BTC: variants seen among roughly 807,000 people sequenced by gnomAD.
BTC encodes betacellulin.
A neutral mutation model predicts 18.1 loss-of-function variants in BTC; 13 were observed. The ratio of observed to expected loss-of-function variants is 0.72; its 90% CI spans 0.47 to 1.14. The LOEUF (loss-of-function observed/expected upper bound fraction) is 1.14. BTC is among the 50% of genes most tolerant of loss of function. The pLI is 0.00. For synonymous variants in BTC, 83 were observed against 79.4 expected, an observed-to-expected ratio of 1.05 and a Z score of -0.24; for missense variants, 247 against 224.2, an observed-to-expected ratio of 1.10 and a Z score of -0.65.
intron 2 of BTC, among the ~76,000 whole-genome samples, chr4:74,765,755 C>T (rs182146800): frequency 2.6e-4 from 40 of 152,226 alleles, no homozygotes; most frequent in African/African-American, 9.1e-4. Flanking sequence ...TTACTTTTCA[C>T]GCACAAAGAA....
At chr4:74,788,195 TCATGTTCTTATC>T (rs1725532068) in intron 1 of BTC, among the ~76,000 whole-genome samples, 1 of 152,214 alleles carries the variant, frequency 6.6e-6, no homozygotes. Flanking sequence ...ATTTTGGAAA[TCATGTTCTTATC>T]CAGACAATAT....
intron 5 of BTC, among the ~76,000 whole-genome samples, chr4:74,747,186 C>G (rs1724314696): frequency 6.6e-6 from 1 of 152,170 alleles, no homozygotes; most frequent in African/African-American, 2.4e-5. Context: ...CTTTGTTGTG[C>G]TAGTTACGCG....
At chr4:74,760,536 C>T (rs1490600722) in intron 2 of BTC, among the ~76,000 whole-genome samples, 1 of 152,192 alleles carries the variant, frequency 6.6e-6, no homozygotes, top group African/African-American at 2.4e-5. Flanking sequence ...TGTAAATTCA[C>T]AGTGTCCTTG....
chr4:74,764,765 G>C (rs1724852541), intron 2 of BTC, among the ~76,000 whole-genome samples: 1 of 152,124 alleles, frequency 6.6e-6, no homozygotes, highest in Admixed American at 6.6e-5. Context: ...CTTATAAGTG[G>C]GAGATAAGCT....
chr4:74,759,458 G>T (rs112633414), intron 2 of BTC, among the ~76,000 whole-genome samples: 5 of 152,046 alleles, frequency 3.3e-5, no homozygotes, highest in Admixed American at 1.3e-4. Context: ...ACATCCACTA[G>T]TGGACCAGGC....
At chr4:74,764,119 G>C (rs1724836152) in intron 2 of BTC, among the ~76,000 whole-genome samples, 1 of 152,138 alleles carries the variant, frequency 6.6e-6, no homozygotes, top group Non-Finnish European at 1.5e-5. Flanking sequence ...TTATGGATTT[G>C]AGTGGGTGAA....
At chr4:74,792,646 C>T (rs974794203) in intron 1 of BTC, among the ~76,000 whole-genome samples, 2 of 152,192 alleles carry the variant, frequency 1.3e-5, no homozygotes, top group Non-Finnish European at 2.9e-5. Context: ...AATCTGTCTG[C>T]CTCTCAGAAA....
At chr4:74,747,959 T>C (rs765461344) in intron 5 of BTC, 81 bp downstream of exon 5, 93 of 628,082 alleles carry the variant, frequency 1.5e-4, no homozygotes, top group Non-Finnish European at 2.2e-4. Flanking sequence ...TAATGAATGA[T>C]TTAGTAGATG....
intron 2 of BTC, among the ~76,000 whole-genome samples, chr4:74,761,198 TG>T (rs1724748581): frequency 6.6e-6 from 1 of 152,170 alleles, no homozygotes; most frequent in Non-Finnish European, 1.5e-5. Context: ...TATTCATGGC[TG>T]GAGGCAAATG....
At chr4:74,766,869 T>G (rs1181990418) in intron 2 of BTC, among the ~76,000 whole-genome samples, 1 of 151,956 alleles carries the variant, frequency 6.6e-6, no homozygotes, top group Non-Finnish European at 1.5e-5. Context: ...TTTGACAAAA[T>G]TCAACACCTT....
At chr4:74,792,142 C>T (rs1016240150) in intron 1 of BTC, among the ~76,000 whole-genome samples, 18 of 152,118 alleles carry the variant, frequency 1.2e-4, no homozygotes, top group Admixed American at 3.3e-4. Context: ...ATGGAAACAG[C>T]GATGCCAACA....
chr4:74,778,191 C>A (rs138373691), intron 1 of BTC, among the ~76,000 whole-genome samples: 1 of 152,074 alleles, frequency 6.6e-6, no homozygotes, highest in African/African-American at 2.4e-5. Flanking sequence ...TCCTTTAATC[C>A]ATTGTCCTCA....
intron 1 of BTC, among the ~76,000 whole-genome samples, chr4:74,791,615 A>G (rs1725629509): frequency 6.6e-6 from 1 of 152,036 alleles, no homozygotes; most frequent in Non-Finnish European, 1.5e-5. Context: ...CTCCAACCCC[A>G]CTTCTGTCTT....
At chr4:74,768,688 T>G (rs1724962045) in intron 2 of BTC, among the ~76,000 whole-genome samples, 1 of 152,148 alleles carries the variant, frequency 6.6e-6, no homozygotes, top group Non-Finnish European at 1.5e-5. Context: ...TAGTTAACAA[T>G]ATTGTATTGT....
intron 1 of BTC, among the ~76,000 whole-genome samples, chr4:74,775,025 G>C (rs1023794972): frequency 2.0e-5 from 3 of 152,080 alleles, no homozygotes; most frequent in Non-Finnish European, 4.4e-5. Context: ...TTACCGCTTG[G>C]ATAACTGTCT....
intron 1 of BTC, among the ~76,000 whole-genome samples, chr4:74,778,800 T>C (rs920092787): frequency 1.3e-5 from 2 of 152,108 alleles, no homozygotes; most frequent in African/African-American, 2.4e-5. Flanking sequence ...CAACCTGGCA[T>C]GGGGAGGAGC....
At chr4:74,754,108 C>G (rs927398039) in intron 3 of BTC, among the ~76,000 whole-genome samples, 5 of 152,198 alleles carry the variant, frequency 3.3e-5, no homozygotes, top group African/African-American at 4.8e-5. Context: ...TTAGGTCTAT[C>G]TGACTCCAAA....
At chr4:74,762,115 C>T (rs1167098657) in intron 2 of BTC, among the ~76,000 whole-genome samples, 1 of 152,168 alleles carries the variant, frequency 6.6e-6, no homozygotes, top group Non-Finnish European at 1.5e-5. Flanking sequence ...AAGATCTGTT[C>T]CTGCACCGTA....
chr4:74,750,576 CA>C lies in BTC; in HGVS notation c.424del (p.Cys142ValfsTer24). 1.2e-6 allele frequency: 2 copies of C among 1,606,888 alleles called. No individual in the cohort carries two copies. Among genetic ancestry groups the C allele is most frequent in the Non-Finnish European group, 1.7e-6 (2 of 1,177,880 alleles). On this transcript the variant is annotated frameshift_variant, in exon 4 of 6. Transcript: ENST00000395743. LOFTEE classifies it high-confidence loss of function. ...IILVIGVCTC[C>X]HPLRKRRKRK... Reference sequence around the variant, plus strand: ...AATTAAGTTTAAAAATACTTACTGACAGCATGTGCAGACACCGATGACCAAA... The same window carrying C: ...AATTAAGTTTAAAAATACTTACTGACGCATGTGCAGACACCGATGACCAAA...
Sources: gnomAD v4.1 joint callset for allele counts (sites outside exome capture counted in the v4.1 genomes callset) on GRCh38, gnomAD v4.1.1 for gene constraint, MANE v1.5 for transcripts, NCBI Gene and HGNC (gene_info 2026-07-23, HGNC 2026-07-21) for gene names.